GLB1: variants seen among roughly 807,000 people sequenced by gnomAD.
GLB1 encodes beta-galactosidase.
In GLB1, 56 loss-of-function variants were observed where a neutral mutation model predicts 74.0. The ratio of observed to expected loss-of-function variants is 0.76; its 90% CI spans 0.61 to 0.94. GLB1 has a LOEUF of 0.94. Ranked by LOEUF, GLB1 falls within the 40% of genes least tolerant of loss-of-function variation. The pLI, the probability that GLB1 is intolerant of heterozygous loss-of-function variation, is 0.00. For missense variants in GLB1, 787 were observed against 845.5 expected, an observed-to-expected ratio of 0.93 and a Z score of 0.86; for synonymous variants, 323 against 323.6, an observed-to-expected ratio of 1.00 and a Z score of 0.02.
intron 1 of GLB1, chr3:33,091,442 C>T: frequency 1.0e-6 from 1 of 985,552 alleles, no homozygotes; most frequent in Non-Finnish European, 1.2e-6. Context: ...CAGCAGGCAG[C>T]TCGCTACCCA....
chr3:33,096,261 A>G (rs1559425454), intron 1 of GLB1: 1 of 442,814 alleles, frequency 2.3e-6, no homozygotes, highest in Non-Finnish European at 3.0e-6. Flanking sequence ...GGAGCCCCTC[A>G]GCCAGTCGCC....
intron 7 of GLB1, 109 bp downstream of exon 7, chr3:33,053,382 G>A: frequency 1.3e-6 from 2 of 1,484,164 alleles, no homozygotes; most frequent in Non-Finnish European, 1.9e-6. Context: ...AATCCCATTA[G>A]CTGCTGACTC....
At chr3:33,000,782 C>T (rs2125446854) in intron 15 of GLB1, among the ~76,000 whole-genome samples, 1 of 152,252 alleles carries the variant, frequency 6.6e-6, no homozygotes, top group South Asian at 2.1e-4. Context: ...CAAGAAGCTA[C>T]TGCACTGGAC....
At chr3:33,026,691 C>T (rs963878807) in intron 10 of GLB1, among the ~76,000 whole-genome samples, 4 of 152,070 alleles carry the variant, frequency 2.6e-5, no homozygotes, top group African/African-American at 9.7e-5. Context: ...CTCAGCAAGA[C>T]CAGAAGATGG....
chr3:33,043,608 T>C (rs1698591865), intron 10 of GLB1, among the ~76,000 whole-genome samples: 1 of 152,100 alleles, frequency 6.6e-6, no homozygotes, highest in Admixed American at 6.5e-5. Context: ...TTGAAATTCA[T>C]CTATGTATAT....
chr3:33,043,849 A>AG (rs1359878201), intron 10 of GLB1, among the ~76,000 whole-genome samples: 35 of 126,734 alleles, frequency 2.8e-4, no homozygotes, highest in African/African-American at 8.5e-4. Context: ...AAAAAGAAAA[A>AG]AAAAAAAAAA....
rs745864233 is a variant in GLB1, at chr3:33,068,244, C to T, written c.443G>A (p.Arg148His). 10 of 1,613,858 alleles carry T rather than the reference C, an allele frequency of 6.2e-6. No individual in the cohort carries two copies. Among genetic ancestry groups the T allele is most frequent in the African/African-American group, 4.0e-5 (3 of 74,910 alleles). ...WLLEKESILLRSSDPDYLAAV... is the reference protein window; with the variant it reads ...WLLEKESILLHSSDPDYLAAV... ...TAACAACCTACCTGGGTCGGAGGAG[C>T]GGAGAAGAATAGACTCTTTCTCTAG... The change falls in exon 4 of 16, where the codon CGC (arginine) becomes CAC (histidine). Residue 148 changes from arginine to histidine, a missense_variant. Transcript: ENST00000307363.
chr3:33,048,208 C>T (rs768055514), intron 9 of GLB1, among the ~76,000 whole-genome samples: 1 of 152,024 alleles, frequency 6.6e-6, no homozygotes, highest in African/African-American at 2.4e-5. Context: ...CTTTACAGGC[C>T]GAGGGAGCCC....
At chr3:33,035,238 C>G (rs1004360147) in intron 10 of GLB1, among the ~76,000 whole-genome samples, 2 of 151,936 alleles carry the variant, frequency 1.3e-5, no homozygotes, top group African/African-American at 4.8e-5. Flanking sequence ...TCGAGAGCAG[C>G]CCGGGCAACA....
chr3:33,052,819 T>A (rs1394457909), intron 7 of GLB1: 1 of 154,694 alleles, frequency 6.5e-6, no homozygotes, highest in East Asian at 1.9e-4. Flanking sequence ...AGTCTGGACC[T>A]TCTTGTGGGG....
At chr3:33,028,661 CAA>C (rs574458140) in intron 10 of GLB1, among the ~76,000 whole-genome samples, 1 of 147,024 alleles carries the variant, frequency 6.8e-6, no homozygotes, top group Non-Finnish European at 1.5e-5. Context: ...GTCATTTACC[CAA>C]AAATTTTTTT....
intron 1 of GLB1, among the ~76,000 whole-genome samples, chr3:33,082,334 C>G (rs192349066): frequency 5.1e-4 from 78 of 152,316 alleles, no homozygotes; most frequent in Admixed American, 4.6e-3. Context: ...CCTGCAGAAC[C>G]CTCATAATGA....
chr3:33,037,687 T>C (rs745855122), intron 10 of GLB1, among the ~76,000 whole-genome samples: 2 of 152,130 alleles, frequency 1.3e-5, no homozygotes, highest in African/African-American at 4.8e-5. Flanking sequence ...ACTTCCTCCT[T>C]GATTTTCTTG....
At chr3:33,002,463 G>C (rs1696619377) in intron 15 of GLB1, among the ~76,000 whole-genome samples, 1 of 150,994 alleles carries the variant, frequency 6.6e-6, no homozygotes, top group African/African-American at 2.4e-5. Context: ...GAATTCTTGG[G>C]CTTAAGCGAT....
Position 33,017,691 on chromosome 3 carries a change from G to A in GLB1, c.1347+757C>T, listed in dbSNP as rs112335821. Among the ~76,000 whole-genome samples the A allele has an allele frequency of 1.8e-3, 279 of 152,250 alleles. 1 individual carries two copies. Among genetic ancestry groups the A allele is most frequent in the African/African-American group, 6.3e-3 (260 of 41,540 alleles). Reference sequence around the variant, plus strand: ...TGTGCATTTCAGTAATAGTTGTCACGAGCAGTCCTTCAGAATATAATTTCT... The same window carrying A: ...TGTGCATTTCAGTAATAGTTGTCACAAGCAGTCCTTCAGAATATAATTTCT... On this transcript the variant is annotated intron_variant, in intron 13 of 15. Transcript: ENST00000307363.
chr3:32,980,587 C>G, the GLB1 span, among the ~76,000 whole-genome samples: 1 of 152,058 alleles, frequency 6.6e-6, no homozygotes, highest in African/African-American at 2.4e-5. Context: ...TTGAGACCAG[C>G]CTGGCCAGCA....
the GLB1 span, among the ~76,000 whole-genome samples, chr3:32,970,703 C>G: frequency 1.3e-5 from 2 of 152,114 alleles, no homozygotes; most frequent in Non-Finnish European, 2.9e-5. Flanking sequence ...CAGTGACTCC[C>G]GATGACAACC....
intron 10 of GLB1, among the ~76,000 whole-genome samples, chr3:33,024,694 T>C (rs774467817): frequency 2.6e-5 from 4 of 152,202 alleles, no homozygotes; most frequent in Admixed American, 6.5e-5. Context: ...AGGAAAAATA[T>C]TAATCTTATT....
In GLB1 at chr3:33,093,783, A is replaced by G. The variant is rs1700879043; in HGVS notation, c.75+3228T>C. The stretch of plus-strand genomic sequence containing the variant: ...GGCCAAGAGCTGGTAGGCCTGCTCC[A>G]TGCCGCTGAGGATGAAGAGGAAGAA... On this transcript the variant is annotated intron_variant, in intron 1 of 15. Coordinates refer to ENST00000307363, the MANE Select transcript of GLB1 (RefSeq NM_000404.4). This position sits in a 1 kb window ranked among gnomAD's most constrained non-coding sequence, Gnocchi z 6.0. 1 of 1,613,514 alleles carries G rather than the reference A, an allele frequency of 6.2e-7. No individual in the cohort carries two copies. The highest frequency in any genetic ancestry group is 8.5e-7 in the Non-Finnish European group (1 of 1,179,728).
Sources: allele counts gnomAD v4.1 joint callset (sites outside exome capture counted in the v4.1 genomes callset), GRCh38; gene constraint gnomAD v4.1.1; non-coding constraint Gnocchi (gnomAD v3.1); transcripts MANE v1.5; gene names NCBI Gene and HGNC (gene_info 2026-07-23, HGNC 2026-07-21).